Variants in KIN observed in about 807,000 individuals in gnomAD.
The protein encoded by KIN is Kin17 DNA and RNA binding protein.
In KIN, 47 loss-of-function variants were observed where a neutral mutation model predicts 63.0. That is an observed-to-expected ratio of 0.75 (90% CI 0.59 to 0.95). The LOEUF is 0.95. Among genes scored for constraint, KIN ranks in the 40% least tolerant of loss-of-function variants. The probability of loss-of-function intolerance (pLI) is 0.00; values close to 1 mark genes in which losing one functional copy is unlikely to be tolerated. For missense variants in KIN, 408 were observed against 460.9 expected, an observed-to-expected ratio of 0.89 and a Z score of 1.05; for synonymous variants, 160 against 157.7, an observed-to-expected ratio of 1.01 and a Z score of -0.11.
chr10:7,756,031 C>T lies in KIN; in HGVS notation c.*49G>A, dbSNP rs766047898. 3.5e-6 allele frequency: 4 copies of T among 1,149,286 alleles called. No individual in the cohort carries two copies. Among genetic ancestry groups the T allele is most frequent in the Non-Finnish European group, 5.1e-6 (4 of 779,120 alleles). 71.2% of individuals were successfully genotyped at this position (1,149,286 alleles called of 1,614,324 possible). A position where few individuals can be genotyped will look rare whatever the true frequency, so the allele number is the denominator to read the frequency against. Reference sequence around the variant, plus strand: ...GAGTCTCATAATGCCTTGGCGAACACCAATTTGATGCTTTAAGATTTTAAT... The same window carrying T: ...GAGTCTCATAATGCCTTGGCGAACATCAATTTGATGCTTTAAGATTTTAAT... On this transcript the variant is annotated 3_prime_UTR_variant, in exon 13 of 13. Transcript: ENST00000379562.
intron 1 of KIN, among the ~76,000 whole-genome samples, chr10:7,783,779 T>G (rs533089324): frequency 6.6e-6 from 1 of 152,274 alleles, no homozygotes; most frequent in East Asian, 1.9e-4. Context: ...TGTGCCTTTC[T>G]TGTATTCCCT....
intron 7 of KIN, among the ~76,000 whole-genome samples, chr10:7,774,163 GGCTCTTTACAGAAAAAGTTT>G (rs1835721175): frequency 1.3e-5 from 2 of 152,280 alleles, no homozygotes; most frequent in South Asian, 4.1e-4. Flanking sequence ...TTTACTATGT[GGCTCTTTACAGAAAAAGTTT>G]GCTGACCCCT....
intron 12 of KIN, among the ~76,000 whole-genome samples, chr10:7,758,978 C>T (rs1444435465): frequency 1.3e-5 from 2 of 151,696 alleles, no homozygotes; most frequent in Non-Finnish European, 2.9e-5. Context: ...AATGAGAATT[C>T]TCTCAAATAA....
chr10:7,775,404 C>T (rs767130722), intron 6 of KIN, among the ~76,000 whole-genome samples: 2 of 152,216 alleles, frequency 1.3e-5, no homozygotes, highest in African/African-American at 4.8e-5. Context: ...TCCAGAGATG[C>T]TCTCTGCCAT....
intron 2 of KIN, among the ~76,000 whole-genome samples, chr10:7,781,966 G>T (rs574929079): frequency 1.3e-5 from 2 of 152,084 alleles, no homozygotes; most frequent in Non-Finnish European, 2.9e-5. Flanking sequence ...GCCAAGGCAG[G>T]AGAATTGCTT....
intron 7 of KIN, 117 bp from the exon 8 acceptor site, chr10:7,769,462 G>A (rs1835623507): frequency 2.9e-6 from 3 of 1,048,168 alleles, no homozygotes; most frequent in Non-Finnish European, 4.2e-6. Context: ...CAGGAGATTA[G>A]TGAAAACCAT....
intron 7 of KIN, among the ~76,000 whole-genome samples, chr10:7,771,511 T>C (rs1422320368): frequency 1.3e-5 from 2 of 152,206 alleles, no homozygotes; most frequent in Non-Finnish European, 2.9e-5. Flanking sequence ...TCCCCAAATA[T>C]TAATACATCT....
chr10:7,776,400 G>C (rs746184178), intron 5 of KIN, among the ~76,000 whole-genome samples: 1 of 147,946 alleles, frequency 6.8e-6, no homozygotes, highest in Non-Finnish European at 1.5e-5. Flanking sequence ...AATTTAGCCG[G>C]GTGTGATGGC....
intron 1 of KIN, among the ~76,000 whole-genome samples, chr10:7,785,215 G>A (rs902715295): frequency 1.4e-5 from 2 of 147,764 alleles, no homozygotes; most frequent in African/African-American, 5.0e-5. Context: ...TCGCGCCACT[G>A]TACACGAGCC....
At chr10:7,786,279 G>T (rs35637474) in intron 1 of KIN, among the ~76,000 whole-genome samples, 3,052 of 152,244 alleles carry the variant, frequency 0.02, 75 homozygotes, top group African/African-American at 0.055. Flanking sequence ...TCTATTAATT[G>T]TGTTATGTTG....
At chr10:7,786,796 T>C (rs1354724759) in intron 1 of KIN, among the ~76,000 whole-genome samples, 2 of 152,204 alleles carry the variant, frequency 1.3e-5, no homozygotes, top group African/African-American at 2.4e-5. Context: ...TACTGCACTT[T>C]ATATGGCAGT....
intron 7 of KIN, among the ~76,000 whole-genome samples, chr10:7,769,594 T>G (rs532962017): frequency 5.3e-5 from 8 of 152,120 alleles, no homozygotes; most frequent in Non-Finnish European, 1.2e-4. Flanking sequence ...TGTCTTTAAC[T>G]CTCTGTACCT....
rs758064650 is a variant in KIN at position 7,787,905 on chromosome 10, T to C, written c.29A>G (p.Lys10Arg). 6.2e-7 allele frequency: 1 copy of C among 1,614,078 alleles called. No homozygotes were observed. ...GGACTTGATCCTGTTGGCGATAGCCTTGGGAGTAAGAAAATCCGACTTCCC... is the reference window on the plus strand; with the variant it reads ...GGACTTGATCCTGTTGGCGATAGCCCTGGGAGTAAGAAAATCCGACTTCCC... MGKSDFLTP[K>R]AIANRIKSKG... Residue 10 changes from lysine (K) to arginine (R), a missense_variant, in exon 1 of 13, where the codon AAG becomes AGG. This residue lies in a region of KIN where 110 missense variants were observed against 164.9 expected (regional missense o/e 0.67). Coordinates refer to ENST00000379562, the MANE Select transcript of KIN (RefSeq NM_012311.4).
chr10:7,778,405 T>C (rs1374485823), intron 5 of KIN, among the ~76,000 whole-genome samples: 2 of 152,170 alleles, frequency 1.3e-5, no homozygotes, highest in Non-Finnish European at 2.9e-5. Context: ...GTTCTCCTCT[T>C]AGTTCAGGAA....
At position 7,753,867 on chromosome 10, in the gene KIN, C is replaced by T. The variant is rs899478585; in HGVS notation, c.*2213G>A. ...CTCTTACATTTCTGCTAACAGCATACGTTCTCCCATCTTCTGAGAATAGAA... is the reference window on the plus strand; with the variant it reads ...CTCTTACATTTCTGCTAACAGCATATGTTCTCCCATCTTCTGAGAATAGAA... On this transcript the variant is annotated 3_prime_UTR_variant, in exon 13 of 13. Coordinates refer to ENST00000379562, the MANE Select transcript of KIN (RefSeq NM_012311.4). 8 of 304,690 alleles carry T rather than the reference C, an allele frequency of 2.6e-5. No homozygotes were observed. Among genetic ancestry groups the T allele is most frequent in the South Asian group, 7.9e-5 (3 of 38,188 alleles). 18.9% of individuals were successfully genotyped at this position (304,690 alleles called of 1,614,324 possible).
intron 5 of KIN, among the ~76,000 whole-genome samples, chr10:7,777,667 A>G (rs1313520299): frequency 6.6e-6 from 1 of 151,772 alleles, no homozygotes; most frequent in Admixed American, 6.6e-5. Flanking sequence ...GGAGGCCCAG[A>G]AGGGCGGATC....
chr10:7,754,629 G>C lies in KIN; in HGVS notation c.*1451C>G, dbSNP rs1964888. 66,781 of 142,312 alleles carry C rather than the reference G, an allele frequency of 0.47. 15,836 individuals carry two copies. The highest frequency in any genetic ancestry group is 0.54 in the African/African-American group (21,311 of 39,306). 8.8% of individuals were successfully genotyped at this position (142,312 alleles called of 1,614,324 possible). On this transcript the variant is annotated 3_prime_UTR_variant, in exon 13 of 13. Transcript: ENST00000379562. ...CCTGGGTGACAGAGTGAGACTCTGT[G>C]TCAGAAAAAAAAAAAAAAAGAAAAA...
chr10:7,758,685 A>G (rs1416867570), intron 12 of KIN, among the ~76,000 whole-genome samples: 1 of 152,146 alleles, frequency 6.6e-6, no homozygotes, highest in Non-Finnish European at 1.5e-5. Context: ...CAAAAAAAAA[A>G]AAAAAAGAAA....
At position 7,766,112 on chromosome 10, in the gene KIN, C is replaced by T. The variant is rs774106921; in HGVS notation, c.799-9G>A. 10 of 1,594,592 alleles carry T rather than the reference C, an allele frequency of 6.3e-6. No individual in the cohort carries two copies. The Admixed American group carries it at 1.2e-4, about 19-fold the overall frequency. ...TTCTTTTCCTCTTCAATCTGTAGAA[C>T]ACATAATGTCTTAAATTATCTCCCT... On this transcript the variant is annotated splice_polypyrimidine_tract_variant and intron_variant, in intron 8 of 12. Coordinates refer to ENST00000379562, the MANE Select transcript of KIN (RefSeq NM_012311.4).
Sources: allele counts gnomAD v4.1 joint callset (sites outside exome capture counted in the v4.1 genomes callset), GRCh38; gene constraint gnomAD v4.1.1; regional missense constraint gnomAD v4.1.1; transcripts MANE v1.5; gene names NCBI Gene and HGNC (gene_info 2026-07-23, HGNC 2026-07-21).